Variants in RAPGEF2 observed in about 807,000 individuals in gnomAD.
RAPGEF2 encodes the protein PDZ domain containing guanine nucleotide exchange factor (GEF) 1.
RAPGEF2 carries 54 observed loss-of-function variants against 186.7 expected under a neutral mutation model. That is an observed-to-expected ratio of 0.29 (90% confidence interval 0.23 to 0.36). The LOEUF is 0.36. Among genes scored for constraint, RAPGEF2 ranks in the 10% least tolerant of loss-of-function variants. RAPGEF2 has a pLI of 1.00. For missense variants in RAPGEF2, 1,532 were observed against 2,045.0 expected, an observed-to-expected ratio of 0.75 and a Z score of 4.84; for synonymous variants, 712 against 705.9, an observed-to-expected ratio of 1.01 and a Z score of -0.14.
intron 1 of RAPGEF2, among the ~76,000 whole-genome samples, chr4:159,154,269 G>A (rs1018061010): frequency 2.0e-5 from 3 of 152,194 alleles, no homozygotes; most frequent in Non-Finnish European, 4.4e-5. Context: ...GTATGTTGGT[G>A]AAATGGCAAG....
chr4:159,269,445 C>G (rs542758638), intron 7 of RAPGEF2, among the ~76,000 whole-genome samples: 1 of 152,038 alleles, frequency 6.6e-6, no homozygotes, highest in South Asian at 2.1e-4. Context: ...AAGACCAGCC[C>G]TAAACTTAAT....
At chr4:159,177,109 T>A (rs1258086895) in intron 1 of RAPGEF2, among the ~76,000 whole-genome samples, 1 of 152,128 alleles carries the variant, frequency 6.6e-6, no homozygotes, top group East Asian at 1.9e-4. Context: ...ACAGATGTGA[T>A]AAAATATATG....
chr4:159,289,606 C>T (rs1357846008), intron 7 of RAPGEF2, among the ~76,000 whole-genome samples: 1 of 152,114 alleles, frequency 6.6e-6, no homozygotes, highest in African/African-American at 2.4e-5. Context: ...TCATTAAATA[C>T]TTACTATACC....
Position 159,341,664 on chromosome 4 carries a change from A to G in RAPGEF2, c.2635A>G (p.Thr879Ala). The G allele has an allele frequency of 6.2e-7, 1 of 1,614,124 alleles. No homozygotes were observed. Among genetic ancestry groups the G allele is most frequent in the Non-Finnish European group, 8.5e-7 (1 of 1,179,964 alleles). ...ESQISLLQLSTVEVATQLSMR... is the reference protein window; with the variant it reads ...ESQISLLQLSAVEVATQLSMR... ...TCAAATTTCCCTCCTTCAGCTCAGC[A>G]CTGTGGAAGTTGCAACACAGCTCTC... is the stretch of plus-strand genomic sequence containing the variant. The change falls in exon 20 of 30, where the codon ACT (threonine) becomes GCT (alanine). Residue 879 changes from threonine to alanine, a missense_variant. Thr to Ala is a moderately conservative substitution (Grantham distance 58, BLOSUM62 0). Coordinates refer to ENST00000691494, the MANE Select transcript of RAPGEF2 (RefSeq NM_001394067.2).
Position 159,341,779 on chromosome 4 carries a change from A to G in RAPGEF2, c.2750A>G (p.Asn917Ser). Residue 917 changes from asparagine (N) to serine (S), a missense_variant, in exon 20 of 30, where the codon AAC becomes AGC. Physicochemically the swap from Asn to Ser is conservative, Grantham distance 46. Coordinates refer to ENST00000691494, the MANE Select transcript of RAPGEF2 (RefSeq NM_001394067.2). Reference protein sequence around the residue: ...FKLRSKTSCANLKRFEEVINQ... With the variant: ...FKLRSKTSCASLKRFEEVINQ... Reference sequence around the variant, plus strand: ...CTCAGATCAAAAACCAGCTGTGCCAACCTGAAGAGATTTGAAGAAGTCATT... The same window carrying G: ...CTCAGATCAAAAACCAGCTGTGCCAGCCTGAAGAGATTTGAAGAAGTCATT... 6.2e-7 allele frequency: 1 copy of G among 1,614,076 alleles called. No individual in the cohort carries two copies. Among genetic ancestry groups the G allele is most frequent in the East Asian group, 2.2e-5 (1 of 44,874 alleles).
Position 159,353,879 on chromosome 4 carries a change from G to A in RAPGEF2, c.4484G>A (p.Gly1495Glu), listed in dbSNP as rs1414238012. The stretch of plus-strand genomic sequence containing the variant: ...TGGGCGTCTTCCACAGGTTACTGGG[G>A]AGAAGACTCAGAAGGTGACACAGGC... ...ASWASSTGYWGEDSEGDTGTI... is the reference protein window; with the variant it reads ...ASWASSTGYWEEDSEGDTGTI... Residue 1495 changes from glycine (G) to glutamate (E), a missense_variant, in exon 28 of 30, where the codon GGA becomes GAA. By Grantham distance (98) the Gly-to-Glu change is moderately conservative. Coordinates refer to ENST00000691494, the MANE Select transcript of RAPGEF2 (RefSeq NM_001394067.2). This position sits in a 1 kb window ranked among gnomAD's most constrained non-coding sequence, Gnocchi z 4.3. 1.9e-6 allele frequency: 3 copies of A among 1,614,106 alleles called. No individual in the cohort carries two copies. The Admixed American group carries it at 5.0e-5, about 27-fold the overall frequency.
chr4:159,242,191 A>G (rs1282244953), intron 6 of RAPGEF2, among the ~76,000 whole-genome samples: 1 of 151,972 alleles, frequency 6.6e-6, no homozygotes, highest in Non-Finnish European at 1.5e-5. Flanking sequence ...AAAGTCGCTT[A>G]GATTCCTGGA....
intron 1 of RAPGEF2, among the ~76,000 whole-genome samples, chr4:159,128,457 CATAAT>C (rs1310089293): frequency 6.6e-6 from 1 of 151,980 alleles, no homozygotes; most frequent in African/African-American, 2.4e-5. Context: ...CTATTGCTGA[CATAAT>C]AAAAATATTA....
intron 23 of RAPGEF2, 122 bp from the exon 24 acceptor site, chr4:159,344,984 T>A: frequency 1.1e-5 from 8 of 730,486 alleles, no homozygotes; most frequent in African/African-American, 1.8e-5. Flanking sequence ...AACAGTTTAC[T>A]CACTGGAATG....
chr4:159,284,949 A>C (rs1760265330), intron 7 of RAPGEF2, among the ~76,000 whole-genome samples: 1 of 152,246 alleles, frequency 6.6e-6, no homozygotes, highest in South Asian at 2.1e-4. Flanking sequence ...GCTACTTGAG[A>C]GACTGAAGTA....
At chr4:159,343,430 G>T in intron 22 of RAPGEF2, 26 bp downstream of exon 22, 8 of 1,610,732 alleles carry the variant, frequency 5.0e-6, no homozygotes, top group Non-Finnish European at 6.8e-6. Context: ...TCAGTGGCAC[G>T]TGTGAGAGTA....
At chr4:159,329,616 T>G (rs756807984) in intron 11 of RAPGEF2, 2 of 250,988 alleles carry the variant, frequency 8.0e-6, no homozygotes, top group Non-Finnish European at 1.5e-5. Context: ...ATTTTTAAAA[T>G]TATTAGGATT....
rs545319835 is a variant in RAPGEF2, at chr4:159,332,710, A to G, written c.2135+13A>G. ...AGAAACCATACAAGTAAGCATCTGC[A>G]TATGTCTTCTGTGCATTATTTTATT... is the stretch of plus-strand genomic sequence containing the variant. On this transcript the variant is annotated intron_variant, in intron 17 of 29. Coordinates refer to ENST00000691494, the MANE Select transcript of RAPGEF2 (RefSeq NM_001394067.2). 5.6e-6 allele frequency: 9 copies of G among 1,612,662 alleles called. No homozygotes were observed. Among genetic ancestry groups the G allele is most frequent in the African/African-American group, 4.0e-5 (3 of 74,942 alleles).
chr4:159,175,594 A>G (rs1746376012), intron 1 of RAPGEF2, among the ~76,000 whole-genome samples: 1 of 152,168 alleles, frequency 6.6e-6, no homozygotes, highest in Non-Finnish European at 1.5e-5. Flanking sequence ...AGAGAAAGGA[A>G]TCATCATATT....
chr4:159,345,176 G>A lies in RAPGEF2; in HGVS notation c.3349G>A (p.Val1117Ile), dbSNP rs753193228. ...VAQTGGHKKR[V>I]RRSSFLNAKK... Reference sequence around the variant, plus strand: ...TCAGACAGGTGGTCATAAAAAGCGGGTACGTCGTAGTTCCTTTCTCAATGC... The same window carrying A: ...TCAGACAGGTGGTCATAAAAAGCGGATACGTCGTAGTTCCTTTCTCAATGC... Residue 1117 changes from valine to isoleucine, a missense_variant, in exon 24 of 30, where the codon GTA becomes ATA. Coordinates refer to ENST00000691494, the MANE Select transcript of RAPGEF2 (RefSeq NM_001394067.2). The A allele has an allele frequency of 2.0e-5, 33 of 1,614,062 alleles. No homozygotes were observed. The highest frequency in any genetic ancestry group is 2.8e-5 in the Non-Finnish European group (33 of 1,180,022).
chr4:159,304,720 T>C (rs1259691010), intron 8 of RAPGEF2, among the ~76,000 whole-genome samples: 1 of 152,130 alleles, frequency 6.6e-6, no homozygotes, highest in Non-Finnish European at 1.5e-5. Flanking sequence ...ATTTGTGGGG[T>C]AAAAGTGTAA....
At chr4:159,234,919 C>G (rs1753072108) in intron 4 of RAPGEF2, among the ~76,000 whole-genome samples, 1 of 152,142 alleles carries the variant, frequency 6.6e-6, no homozygotes, top group Non-Finnish European at 1.5e-5. Context: ...GCCATCATGC[C>G]TGGCTAACTT....
intron 1 of RAPGEF2, among the ~76,000 whole-genome samples, chr4:159,163,419 GT>G (rs200819830): frequency 0.021 from 3,175 of 152,206 alleles, 113 homozygotes; most frequent in African/African-American, 0.073. Context: ...TTCTGGGGTG[GT>G]AAAAATGGTT....
intron 1 of RAPGEF2, among the ~76,000 whole-genome samples, chr4:159,134,144 T>C (rs1741438065): frequency 6.6e-6 from 1 of 152,222 alleles, no homozygotes; most frequent in Admixed American, 6.5e-5. Flanking sequence ...GTCCTCTCCG[T>C]CTAGCCTGTC....
Sources: allele counts gnomAD v4.1 joint callset (sites outside exome capture counted in the v4.1 genomes callset), GRCh38; gene constraint gnomAD v4.1.1; non-coding constraint Gnocchi (gnomAD v3.1); transcripts MANE v1.5; gene names NCBI Gene and HGNC (gene_info 2026-07-23, HGNC 2026-07-21).